Variants in FOXJ3 observed in about 807,000 individuals in gnomAD.
FOXJ3 encodes the protein forkhead box J3, also known as forkhead box protein J3.
A neutral mutation model predicts 76.1 loss-of-function variants in FOXJ3; 22 were observed. The ratio of observed to expected loss-of-function variants is 0.29; its 90% CI spans 0.21 to 0.41. The LOEUF (loss-of-function observed/expected upper bound fraction) is 0.41. FOXJ3 is among the 10% of genes least tolerant of loss of function. The probability of loss-of-function intolerance (pLI) is 1.00; values close to 1 mark genes in which losing one functional copy is unlikely to be tolerated. For missense variants in FOXJ3, 613 were observed against 762.1 expected (o/e 0.80, Z 2.30); for synonymous variants, 269 against 261.2 (o/e 1.03, Z -0.29).
At chr1:42,307,246 T>C (rs1654525973) in intron 2 of FOXJ3, among the ~76,000 whole-genome samples, 2 of 152,176 alleles carry the variant, frequency 1.3e-5, no homozygotes. Context: ...CATAAACCAC[T>C]GAGAGACAGC....
At chr1:42,232,277 T>C (rs1248943647) in intron 4 of FOXJ3, among the ~76,000 whole-genome samples, 5 of 148,274 alleles carry the variant, frequency 3.4e-5, no homozygotes, top group South Asian at 4.4e-4. Context: ...TGTGTCTTTA[T>C]AGCAGCATGA....
In FOXJ3 at chr1:42,254,879, G is replaced by A. The variant is rs1035989541; in HGVS notation, c.444+10236C>T. Among the ~76,000 whole-genome samples the A allele has an allele frequency of 6.0e-5, 9 of 150,974 alleles. No individual in the cohort carries two copies. The South Asian group carries it at 1.5e-3, about 25-fold the overall frequency. On this transcript the variant is annotated intron_variant, in intron 4 of 12. Transcript: ENST00000361346. ...ACCTAATGCTAAATGACGAGTTAAT[G>A]GGTGCAGCACACCAGCATGGCACAT...
intron 4 of FOXJ3, among the ~76,000 whole-genome samples, chr1:42,254,809 T>A (rs1354679485): frequency 1.6e-5 from 2 of 128,286 alleles, no homozygotes; most frequent in Non-Finnish European, 3.2e-5. Context: ...CTCTGGGGAC[T>A]GTTGTGGGGT....
In FOXJ3 at chr1:42,181,893, A is replaced by T. The variant is rs868484374; in HGVS notation, c.1753+24T>A. The T allele has an allele frequency of 6.3e-4, 841 of 1,338,336 alleles. 2 individuals are homozygous for T. In the African/African-American group the frequency reaches 0.011, roughly 18 times the overall value. The allele number at this position is 1,338,336 out of a possible 1,614,324, so 82.9% of individuals were successfully genotyped here. On this transcript the variant is annotated intron_variant, in intron 12 of 12. Transcript: ENST00000361346. ...CACACACACACACACACACACACAC[A>T]CTCACTCTCTCTCTCTCTCTTACCT...
At chr1:42,254,159 T>C (rs1486177666) in intron 4 of FOXJ3, among the ~76,000 whole-genome samples, 3 of 152,038 alleles carry the variant, frequency 2.0e-5, no homozygotes, top group Non-Finnish European at 4.4e-5. Flanking sequence ...GCGAAGGATA[T>C]GAACAGACAC....
Position 42,195,013 on chromosome 1 carries a change from G to A in FOXJ3, c.811C>T (p.Pro271Ser), listed in dbSNP as rs61735643. The A allele has an allele frequency of 1.4e-3, 2,268 of 1,612,994 alleles. 41 individuals carry two copies. In the African/African-American group the frequency reaches 0.027, roughly 19 times the overall value. Residue 271 changes from proline (P) to serine (S), a missense_variant, in exon 8 of 13, where the codon CCA (proline) becomes TCA (serine). This residue lies in a region of FOXJ3 where 526 missense variants were observed against 601.4 expected (regional missense o/e 0.87). Transcript: ENST00000361346. ...VSQSLTPQQQ[P>S]QYNLPERDKQ... ...TCTCTTTCTGGAAGGTTGTACTGTG[G>A]TTGCTGCTGAGGAGTTAATGATTGA...
intron 2 of FOXJ3, among the ~76,000 whole-genome samples, chr1:42,301,969 T>C (rs1654178361): frequency 6.6e-6 from 1 of 152,150 alleles, no homozygotes; most frequent in South Asian, 2.1e-4. Flanking sequence ...CATTTGGATG[T>C]GATTTTTCTC....
At chr1:42,260,217 C>T (rs1319344430) in intron 4 of FOXJ3, among the ~76,000 whole-genome samples, 1 of 152,064 alleles carries the variant, frequency 6.6e-6, no homozygotes, top group African/African-American at 2.4e-5. Context: ...TTCCCTCAAA[C>T]CTCTCCAGTT....
chr1:42,264,642 T>C (rs1054561631), intron 4 of FOXJ3, among the ~76,000 whole-genome samples: 4 of 151,966 alleles, frequency 2.6e-5, no homozygotes, highest in Non-Finnish European at 4.4e-5. Context: ...GGAGTCACCA[T>C]AGAAAAAACG....
intron 1 of FOXJ3, among the ~76,000 whole-genome samples, chr1:42,316,076 C>T (rs553981021): frequency 9.2e-5 from 14 of 152,288 alleles, no homozygotes; most frequent in African/African-American, 3.4e-4. Context: ...ATTTAGGAAG[C>T]AGCCATCGCA....
intron 4 of FOXJ3, among the ~76,000 whole-genome samples, 169 bp from the exon 5 acceptor site, chr1:42,228,135 C>A (rs987108487): frequency 6.6e-6 from 1 of 152,040 alleles, no homozygotes; most frequent in Non-Finnish European, 1.5e-5. Context: ...GAAAATATAT[C>A]CACTTATAAT....
At chr1:42,279,691 G>A (rs1351282286) in intron 2 of FOXJ3, among the ~76,000 whole-genome samples, 2 of 151,972 alleles carry the variant, frequency 1.3e-5, no homozygotes, top group African/African-American at 4.8e-5. Flanking sequence ...TTTCAGCAGA[G>A]GACATAAGCC....
chr1:42,280,516 G>A (rs1652631561), intron 2 of FOXJ3: 22 of 683,094 alleles, frequency 3.2e-5, no homozygotes, highest in Non-Finnish European at 3.9e-5. Flanking sequence ...TTCCCAGCAA[G>A]AAGTTATAGG....
At chr1:42,252,358 G>A (rs1467415719) in intron 4 of FOXJ3, among the ~76,000 whole-genome samples, 8 of 152,156 alleles carry the variant, frequency 5.3e-5, no homozygotes, top group Non-Finnish European at 1.2e-4. Context: ...TTGGGAGAGT[G>A]TACGTGTTGA....
chr1:42,176,613 C>T lies in FOXJ3; in HGVS notation c.*3097G>A, dbSNP rs1197006205. 1 of 152,594 alleles carries T rather than the reference C, an allele frequency of 6.6e-6. No individual in the cohort carries two copies. Among genetic ancestry groups the T allele is most frequent in the African/African-American group, 2.4e-5 (1 of 41,438 alleles). The allele number at this position is 152,594 out of a possible 1,614,324, so 9.5% of individuals were successfully genotyped here. On this transcript the variant is annotated 3_prime_UTR_variant, in exon 13 of 13. Transcript: ENST00000361346. ...CATATCAGTTCTGGCAGCAACAATCCTAATGACACTTGGAATATTTCTTTA... is the reference window on the plus strand; with the variant it reads ...CATATCAGTTCTGGCAGCAACAATCTTAATGACACTTGGAATATTTCTTTA...
intron 3 of FOXJ3, among the ~76,000 whole-genome samples, chr1:42,265,511 G>C (rs1000000261): frequency 1.3e-5 from 2 of 151,844 alleles, no homozygotes; most frequent in Non-Finnish European, 2.9e-5. Flanking sequence ...TATAAAATTG[G>C]CATATTATGA....
At chr1:42,238,539 T>A (rs2124511821) in intron 4 of FOXJ3, among the ~76,000 whole-genome samples, 1 of 152,222 alleles carries the variant, frequency 6.6e-6, no homozygotes, top group East Asian at 1.9e-4. Flanking sequence ...GCACGCCAAT[T>A]TCTAAAAATG....
chr1:42,298,490 TG>T (rs1459539506), intron 2 of FOXJ3, among the ~76,000 whole-genome samples: 1 of 152,336 alleles, frequency 6.6e-6, no homozygotes, highest in South Asian at 2.1e-4. Context: ...GATGATCTTT[TG>T]TATTTCTGTG....
chr1:42,250,286 C>T (rs343386), intron 4 of FOXJ3, among the ~76,000 whole-genome samples: 106,509 of 152,058 alleles, frequency 0.7, 38,033 homozygotes, highest in Admixed American at 0.8. Flanking sequence ...TCAGTGATGA[C>T]GGAAGGAATC....
Sources: allele counts gnomAD v4.1 joint callset (sites outside exome capture counted in the v4.1 genomes callset), GRCh38; gene constraint gnomAD v4.1.1; regional missense constraint gnomAD v4.1.1; transcripts MANE v1.5; gene names NCBI Gene and HGNC (gene_info 2026-07-23, HGNC 2026-07-21).